The following NIBAN1 variants were observed in gnomAD, a reference collection of about 807,000 sequenced individuals.
NIBAN1 encodes niban apoptosis regulator 1.
Under a neutral mutation model 75.1 loss-of-function variants are expected in NIBAN1, and 81 were observed. The observed-to-expected ratio is 1.08, with a 90% confidence interval of 0.90 to 1.30. The LOEUF (loss-of-function observed/expected upper bound fraction) is 1.30. NIBAN1 is among the 50% of genes most tolerant of loss of function. NIBAN1 has a pLI of 0.00. For synonymous variants in NIBAN1, 436 were observed against 424.8 expected, an observed-to-expected ratio of 1.03 and a Z score of -0.32; for missense variants, 1,133 against 1,128.1, an observed-to-expected ratio of 1.00 and a Z score of -0.06.
chr1:184,911,908 A>G (rs1167220382), intron 1 of NIBAN1, among the ~76,000 whole-genome samples: 1 of 152,194 alleles, frequency 6.6e-6, no homozygotes, highest in East Asian at 1.9e-4. Context: ...ACTATGCCAC[A>G]TTTGCCTCAA....
intron 1 of NIBAN1, among the ~76,000 whole-genome samples, chr1:184,929,781 G>T (rs1341580171): frequency 6.6e-6 from 1 of 152,140 alleles, no homozygotes; most frequent in Non-Finnish European, 1.5e-5. Context: ...GGTCAAAAGG[G>T]TTGTTAAAAT....
In NIBAN1 at chr1:184,813,982, A is replaced by T. The variant is rs148079863; in HGVS notation, c.1173+4656T>A. ...AATATGTAATTGAGCCTACTGAAAA[A>T]AATAGGTTTACATGCAAGGTATGTA... On this transcript the variant is annotated intron_variant, in intron 9 of 13. Transcript: ENST00000367511. 7.3e-3 allele frequency among the ~76,000 whole-genome samples: 1,116 copies of T among 152,350 alleles called. 10 individuals are homozygous for T. Among genetic ancestry groups the T allele is most frequent in the Middle Eastern group, 0.014 (4 of 294 alleles).
chr1:184,933,907 A>G (rs1234851151), intron 1 of NIBAN1, among the ~76,000 whole-genome samples: 1 of 152,230 alleles, frequency 6.6e-6, no homozygotes, highest in African/African-American at 2.4e-5. Flanking sequence ...GTTCACAATG[A>G]TGGGGGTCTG....
intron 1 of NIBAN1, among the ~76,000 whole-genome samples, chr1:184,950,778 C>T (rs947320142): frequency 3.9e-5 from 6 of 152,196 alleles, no homozygotes; most frequent in African/African-American, 1.2e-4. Flanking sequence ...CAGCATCCAA[C>T]CTGATTTCCT....
At chr1:184,876,139 T>C (rs780338585) in intron 5 of NIBAN1, among the ~76,000 whole-genome samples, 26 of 150,508 alleles carry the variant, frequency 1.7e-4, no homozygotes, top group Non-Finnish European at 3.1e-4. Flanking sequence ...CGCCATTGCA[T>C]TCCAGCTTGG....
chr1:184,904,815 G>T (rs1336119786), intron 1 of NIBAN1, among the ~76,000 whole-genome samples: 11 of 152,102 alleles, frequency 7.2e-5, no homozygotes, highest in Non-Finnish European at 1.3e-4. Context: ...GCCGGGTGTG[G>T]TGGTGCACAC....
At chr1:184,894,254 C>T (rs1273870722) in intron 2 of NIBAN1, 48 bp from the exon 3 acceptor site, 2 of 1,529,332 alleles carry the variant, frequency 1.3e-6, no homozygotes, top group Admixed American at 2.2e-5. Flanking sequence ...AGATAACACA[C>T]CTTGTTACCA....
chr1:184,970,043 C>A (rs1489005055), intron 1 of NIBAN1, among the ~76,000 whole-genome samples: 1 of 151,844 alleles, frequency 6.6e-6, no homozygotes, highest in Non-Finnish European at 1.5e-5. Context: ...GTGGCACATG[C>A]CTGTACCCCC....
intron 1 of NIBAN1, among the ~76,000 whole-genome samples, chr1:184,917,646 C>T (rs1657428841): frequency 6.6e-6 from 1 of 152,074 alleles, no homozygotes; most frequent in African/African-American, 2.4e-5. Context: ...CTATCCACCT[C>T]TAAGTTCATC....
At chr1:184,835,503 T>A (rs1655114221) in intron 5 of NIBAN1, among the ~76,000 whole-genome samples, 1 of 152,228 alleles carries the variant, frequency 6.6e-6, no homozygotes, top group African/African-American at 2.4e-5. Context: ...TTTGTTTGTG[T>A]CCTCTTTTAT....
At chr1:184,905,492 C>T (rs564653647) in intron 1 of NIBAN1, among the ~76,000 whole-genome samples, 11 of 152,252 alleles carry the variant, frequency 7.2e-5, no homozygotes, top group Admixed American at 3.9e-4. Context: ...CCTAGTACCA[C>T]GGGCCTGGGA....
At chr1:184,813,510 T>C (rs1050671449) in intron 9 of NIBAN1, among the ~76,000 whole-genome samples, 1 of 152,198 alleles carries the variant, frequency 6.6e-6, no homozygotes, top group African/African-American at 2.4e-5. Flanking sequence ...CCTGGGGATA[T>C]ATGGAATTAA....
At chr1:184,796,121 C>G in intron 13 of NIBAN1, 24 bp from the exon 14 acceptor site, 4 of 1,489,028 alleles carry the variant, frequency 2.7e-6, no homozygotes, top group Non-Finnish European at 2.7e-6. Flanking sequence ...GAAAACAAAA[C>G]ATGATTTTCT....
intron 11 of NIBAN1, 43 bp from the exon 12 acceptor site, chr1:184,803,735 T>C: frequency 6.4e-7 from 1 of 1,559,284 alleles, no homozygotes; most frequent in East Asian, 2.2e-5. Flanking sequence ...CATTACAATC[T>C]GTTGACTTAT....
chr1:184,934,821 G>T (rs771126166), intron 1 of NIBAN1, among the ~76,000 whole-genome samples: 4 of 152,042 alleles, frequency 2.6e-5, no homozygotes, highest in Admixed American at 6.6e-5. Flanking sequence ...CTTGAATCTG[G>T]GAGGCAGCGG....
chr1:184,971,909 A>C (rs1314612847), intron 1 of NIBAN1, among the ~76,000 whole-genome samples: 1 of 152,240 alleles, frequency 6.6e-6, no homozygotes, highest in East Asian at 1.9e-4. Flanking sequence ...CTTAACGTAG[A>C]TGATATATCT....
intron 1 of NIBAN1, among the ~76,000 whole-genome samples, chr1:184,917,907 T>G (rs1438642360): frequency 2.0e-5 from 3 of 152,012 alleles, no homozygotes; most frequent in Admixed American, 6.5e-5. Context: ...AATCCATTGT[T>G]CTCAGATTCA....
chr1:184,889,382 C>T (rs1656609683), intron 4 of NIBAN1, among the ~76,000 whole-genome samples: 1 of 152,068 alleles, frequency 6.6e-6, no homozygotes, highest in Admixed American at 6.6e-5. Flanking sequence ...TCCAATCTCC[C>T]AATTATCTTT....
rs761891544 is a variant in NIBAN1 at position 184,795,718 on chromosome 1, T to C, written c.2046A>G (p.Ser682=). The C allele has an allele frequency of 1.2e-6, 2 of 1,613,604 alleles. No homozygotes were observed. The highest frequency in any genetic ancestry group is 1.7e-5 in the Admixed American group (1 of 59,980). ...DTAGLPGTCS[S]ELEFGGTLED... ...CAAGGGTCCCTCCAAACTCCAGCTC[T>C]GATGAGCATGTGCCCGGGAGTCCTG... The change falls in exon 14 of 14, where the codon TCA becomes TCG. Residue 682 remains serine (S), a synonymous_variant. Transcript: ENST00000367511.
Sources: allele counts gnomAD v4.1 joint callset (sites outside exome capture counted in the v4.1 genomes callset), GRCh38; gene constraint gnomAD v4.1.1; transcripts MANE v1.5; gene names NCBI Gene and HGNC (gene_info 2026-07-23, HGNC 2026-07-21).